PRELID2: variants seen among roughly 807,000 people sequenced by gnomAD.
PRELID2 encodes PRELI domain containing 2.
A neutral mutation model predicts 28.4 loss-of-function variants in PRELID2; 25 were observed. That is an observed-to-expected ratio of 0.88 (90% confidence interval 0.64 to 1.23). The LOEUF is 1.23. Ranked by LOEUF, PRELID2 falls within the 50% of genes most tolerant of loss-of-function variation. The pLI is 0.00. For missense variants in PRELID2, 201 were observed against 214.4 expected (o/e 0.94, Z 0.39); for synonymous variants, 76 against 71.6 (o/e 1.06, Z -0.31).
At chr5:145,708,534 C>T (rs923379387) in intron 1 of PRELID2, among the ~76,000 whole-genome samples, 4 of 151,928 alleles carry the variant, frequency 2.6e-5, no homozygotes, top group Non-Finnish European at 5.9e-5. Flanking sequence ...ATTCTAATTT[C>T]TTTACAATAA....
At chr5:145,741,028 T>A (rs1756701031) in intron 1 of PRELID2, among the ~76,000 whole-genome samples, 2 of 117,468 alleles carry the variant, frequency 1.7e-5, no homozygotes, top group South Asian at 5.2e-4. Context: ...ATAAAATATA[T>A]ATTATATATT....
At chr5:145,715,243 A>C (rs1368693424) in intron 1 of PRELID2, among the ~76,000 whole-genome samples, 2 of 152,132 alleles carry the variant, frequency 1.3e-5, no homozygotes, top group African/African-American at 4.8e-5. Context: ...CGAATTACTC[A>C]AGCCAAAAAT....
chr5:145,336,555 C>T, the PRELID2 span, among the ~76,000 whole-genome samples: 1 of 152,046 alleles, frequency 6.6e-6, no homozygotes, highest in Non-Finnish European at 1.5e-5. Flanking sequence ...GCTTGTTTTT[C>T]TCAGGTTTGT....
chr5:145,468,615 T>C (rs945891407), downstream of PRELID2, among the ~76,000 whole-genome samples: 1 of 152,190 alleles, frequency 6.6e-6, no homozygotes, highest in African/African-American at 2.4e-5. Flanking sequence ...CCATTCTAAC[T>C]GGTGTGAGAT....
intron 1 of PRELID2, among the ~76,000 whole-genome samples, chr5:145,567,713 C>T (rs1261570179): frequency 6.6e-6 from 1 of 152,248 alleles, no homozygotes; most frequent in Non-Finnish European, 1.5e-5. Flanking sequence ...ACTTCTCCTG[C>T]TGGCACTTCT....
At position 145,706,193 on chromosome 5, in the gene PRELID2, G is replaced by T. The variant is rs183738499; in HGVS notation, n.70+58738C>A. On this transcript the variant is annotated intron_variant and non_coding_transcript_variant, in intron 1 of 2. Coordinates refer to the PRELID2 transcript ENST00000510259. ...AGTTGGAGTGCACAACTCCACCAAG[G>T]TCCCCTGGAACTCTAGCATTCTTCC... Among the ~76,000 whole-genome samples, 195 of 152,244 alleles carry T rather than the reference G, an allele frequency of 1.3e-3. 2 individuals carry two copies. Among genetic ancestry groups the T allele is most frequent in the Non-Finnish European group, 2.1e-4 (14 of 68,018 alleles).
chr5:145,548,207 G>A (rs1278921292), intron 1 of PRELID2, among the ~76,000 whole-genome samples: 1 of 152,160 alleles, frequency 6.6e-6, no homozygotes, highest in African/African-American at 2.4e-5. Flanking sequence ...GCTTATGAAA[G>A]CTAACATATT....
the PRELID2 span, among the ~76,000 whole-genome samples, chr5:145,391,262 A>C: frequency 6.6e-6 from 1 of 152,212 alleles, no homozygotes; most frequent in Non-Finnish European, 1.5e-5. Context: ...ACATTCTCTG[A>C]AATCTAAATG....
At chr5:145,554,255 G>A (rs1277415186) in intron 1 of PRELID2, among the ~76,000 whole-genome samples, 1 of 152,172 alleles carries the variant, frequency 6.6e-6, no homozygotes, top group Admixed American at 6.5e-5. Context: ...ATAGAAAGAA[G>A]AGTCAGCAAA....
At chr5:145,669,043 C>T (rs1162187143) in intron 1 of PRELID2, among the ~76,000 whole-genome samples, 1 of 152,090 alleles carries the variant, frequency 6.6e-6, no homozygotes, top group Non-Finnish European at 1.5e-5. Flanking sequence ...ACACACATCC[C>T]CGTGCTCCCC....
chr5:145,788,909 A>G (rs1752182891), intron 5 of PRELID2, among the ~76,000 whole-genome samples: 1 of 152,194 alleles, frequency 6.6e-6, no homozygotes, highest in Non-Finnish European at 1.5e-5. Flanking sequence ...TCTCATTTAT[A>G]GTAGTTACCA....
At chr5:145,594,550 T>G (rs954845880) in intron 1 of PRELID2, among the ~76,000 whole-genome samples, 1 of 152,166 alleles carries the variant, frequency 6.6e-6, no homozygotes. Context: ...GATGTATGCA[T>G]GAAGATCCTC....
chr5:145,790,575 T>C (rs1007616583), intron 5 of PRELID2, among the ~76,000 whole-genome samples: 8 of 151,838 alleles, frequency 5.3e-5, no homozygotes, highest in Non-Finnish European at 8.8e-5. Context: ...ATGTTGACTA[T>C]AGTTAATGAG....
chr5:145,694,182 C>A (rs767632346), intron 1 of PRELID2, among the ~76,000 whole-genome samples: 11 of 152,082 alleles, frequency 7.2e-5, no homozygotes, highest in Admixed American at 7.2e-4. Context: ...ATAGTAAGTG[C>A]AACAAAACTT....
chr5:145,379,143 A>C, the PRELID2 span, among the ~76,000 whole-genome samples: 1 of 152,130 alleles, frequency 6.6e-6, no homozygotes, highest in East Asian at 1.9e-4. Context: ...GAAGATTTGT[A>C]CTGGGTCCCA....
At chr5:145,832,428 G>A (rs1263392752) in intron 1 of PRELID2, among the ~76,000 whole-genome samples, 2 of 152,018 alleles carry the variant, frequency 1.3e-5, no homozygotes, top group African/African-American at 4.8e-5. Context: ...CAAGTGATCC[G>A]CCCGCCTCGG....
chr5:145,804,386 T>G (rs974053223), intron 4 of PRELID2, among the ~76,000 whole-genome samples: 1 of 152,026 alleles, frequency 6.6e-6, no homozygotes, highest in Non-Finnish European at 1.5e-5. Flanking sequence ...GGCATACACC[T>G]GTAAACCCAG....
At chr5:145,325,318 G>A in the PRELID2 span, among the ~76,000 whole-genome samples, 1,307 of 152,220 alleles carry the variant, frequency 8.6e-3, 17 homozygotes, top group African/African-American at 0.029. Flanking sequence ...AAATGCTTTG[G>A]AGAATGTTTC....
chr5:145,605,707 C>A (rs1251858780), intron 1 of PRELID2, among the ~76,000 whole-genome samples: 1 of 151,206 alleles, frequency 6.6e-6, no homozygotes, highest in African/African-American at 2.4e-5. Flanking sequence ...TAATTAGTTG[C>A]CATACTAGAA....
Sources: gnomAD v4.1 joint callset for allele counts (sites outside exome capture counted in the v4.1 genomes callset) on GRCh38, gnomAD v4.1.1 for gene constraint, MANE v1.5 for transcripts, NCBI Gene and HGNC (gene_info 2026-07-23, HGNC 2026-07-21) for gene names.